LRBA: variants seen among roughly 807,000 people sequenced by gnomAD.
LRBA encodes the protein LPS responsive beige-like anchor protein.
A neutral mutation model predicts 330.0 loss-of-function variants in LRBA; 176 were observed. The observed-to-expected ratio is 0.53, with a 90% CI of 0.47 to 0.60. The LOEUF is 0.60. Ranked by LOEUF, LRBA falls within the 20% of genes least tolerant of loss-of-function variation. LRBA has a pLI of 0.00. For synonymous variants in LRBA, 1,230 were observed against 1,193.0 expected, an observed-to-expected ratio of 1.03 and a Z score of -0.64; for missense variants, 3,259 against 3,444.8, an observed-to-expected ratio of 0.95 and a Z score of 1.35.
At chr4:150,315,348 C>T (rs773429735) in intron 51 of LRBA, 7 of 588,836 alleles carry the variant, frequency 1.2e-5, no homozygotes, top group East Asian at 5.8e-5. Context: ...CAGTGACACG[C>T]GTCCTAGGCC....
chr4:150,550,152 G>A (rs1055071853), intron 40 of LRBA, among the ~76,000 whole-genome samples: 8 of 152,042 alleles, frequency 5.3e-5, no homozygotes, highest in Non-Finnish European at 1.2e-4. Context: ...TGTGTGGAAT[G>A]GATATATTAA....
chr4:150,646,081 C>T (rs1484655716), intron 37 of LRBA, among the ~76,000 whole-genome samples: 2 of 151,502 alleles, frequency 1.3e-5, no homozygotes, highest in Non-Finnish European at 2.9e-5. Flanking sequence ...ACTATCTGGC[C>T]CATTATAGAA....
At chr4:150,985,646 C>T (rs1223143973) in intron 2 of LRBA, among the ~76,000 whole-genome samples, 10 of 151,902 alleles carry the variant, frequency 6.6e-5, no homozygotes, top group Admixed American at 6.6e-4. Context: ...CTACAGGCAC[C>T]CACCACCACA....
intron 3 of LRBA, 34 bp downstream of exon 3, chr4:150,928,800 C>A: frequency 2.7e-6 from 4 of 1,504,352 alleles, no homozygotes; most frequent in Non-Finnish European, 2.7e-6. Context: ...AACTTTATTT[C>A]TTTGCATATA....
intron 28 of LRBA, among the ~76,000 whole-genome samples, chr4:150,835,151 T>G (rs1747833987): frequency 6.6e-6 from 1 of 152,176 alleles, no homozygotes; most frequent in African/African-American, 2.4e-5. Context: ...TCTGTTCTGT[T>G]CCGTTGGTCT....
At chr4:150,520,941 TA>T in intron 40 of LRBA, among the ~76,000 whole-genome samples, 1 of 152,344 alleles carries the variant, frequency 6.6e-6, no homozygotes, top group Non-Finnish European at 1.5e-5. Flanking sequence ...TTCATTTTCT[TA>T]AAAACAATAG....
intron 36 of LRBA, among the ~76,000 whole-genome samples, chr4:150,714,055 T>C (rs1786492184): frequency 6.6e-6 from 1 of 152,182 alleles, no homozygotes; most frequent in Non-Finnish European, 1.5e-5. Flanking sequence ...TAAGTACCAC[T>C]TCTTTACACT....
At chr4:150,579,642 C>G (rs1325394621) in intron 40 of LRBA, 1 of 456,624 alleles carries the variant, frequency 2.2e-6, no homozygotes, top group South Asian at 1.5e-5. Flanking sequence ...AAAACTTAGC[C>G]GAGCTTGACA....
chr4:150,354,332 G>A (rs905950774), intron 47 of LRBA, among the ~76,000 whole-genome samples: 1 of 152,042 alleles, frequency 6.6e-6, no homozygotes, highest in South Asian at 2.1e-4. Flanking sequence ...CTGAGCATTT[G>A]AGATTTTTCA....
At chr4:150,604,928 C>A (rs912887878) in intron 37 of LRBA, among the ~76,000 whole-genome samples, 2 of 152,124 alleles carry the variant, frequency 1.3e-5, no homozygotes, top group Non-Finnish European at 2.9e-5. Context: ...GTGGCAGTTG[C>A]ACAGTCAGTA....
chr4:150,787,405 A>T (rs1739243120), intron 34 of LRBA, among the ~76,000 whole-genome samples: 1 of 152,248 alleles, frequency 6.6e-6, no homozygotes. Flanking sequence ...CGAGATATAG[A>T]AATATTAATT....
At position 150,961,369 on chromosome 4, in the gene LRBA, A is replaced by G. The variant is rs1738126875; in HGVS notation, c.217-32304T>C. Among the ~76,000 whole-genome samples, 2 of 149,448 alleles carry G rather than the reference A, an allele frequency of 1.3e-5. 1 individual carries two copies. Among genetic ancestry groups the G allele is most frequent in the African/African-American group, 5.2e-5 (2 of 38,812 alleles). On this transcript the variant is annotated intron_variant, in intron 2 of 56. Coordinates refer to ENST00000651943, the MANE Select transcript of LRBA (RefSeq NM_001364905.1). ...ATCTTAAAATGCTATCACCTTATGCATAAGAGCTAAAGAGAAATACTGCAA... is the reference window on the plus strand; with the variant it reads ...ATCTTAAAATGCTATCACCTTATGCGTAAGAGCTAAAGAGAAATACTGCAA...
chr4:150,347,420 C>T (rs1736528780), intron 48 of LRBA, among the ~76,000 whole-genome samples: 2 of 151,994 alleles, frequency 1.3e-5, no homozygotes, highest in Admixed American at 6.6e-5. Flanking sequence ...CCAAGGGAGG[C>T]GGATCACTTG....
chr4:150,375,463 T>A (rs1043259356), intron 47 of LRBA, among the ~76,000 whole-genome samples: 1 of 151,684 alleles, frequency 6.6e-6, no homozygotes, highest in Non-Finnish European at 1.5e-5. Context: ...TCTACTTACT[T>A]TTTTTTTGTT....
intron 37 of LRBA, among the ~76,000 whole-genome samples, chr4:150,628,352 G>A (rs995729006): frequency 1.9e-4 from 29 of 152,112 alleles, no homozygotes; most frequent in African/African-American, 6.7e-4. Flanking sequence ...CTCTTTACTG[G>A]TTTTCTTGTT....
rs918392130 is a variant in LRBA at position 150,798,019 on chromosome 4, C to T, written c.5580+62G>A. On this transcript the variant is annotated intron_variant, in intron 34 of 56. Transcript: ENST00000651943. ...TTTCAGTAATGCAAATATAAAATCC[C>T]CCATGAAAACAAATTCATGTGATAA... 43 of 1,082,776 alleles carry T rather than the reference C, an allele frequency of 4.0e-5. No individual in the cohort carries two copies. In the African/African-American group the frequency reaches 6.4e-4, roughly 16 times the overall value. 67.1% of individuals were successfully genotyped at this position (1,082,776 alleles called of 1,614,324 possible).
chr4:150,390,162 G>A lies in LRBA; in HGVS notation c.7194+25276C>T, dbSNP rs370063252. 5.3e-5 allele frequency among the ~76,000 whole-genome samples: 8 copies of A among 152,218 alleles called. No individual in the cohort carries two copies. In the East Asian group the frequency reaches 1.5e-3, roughly 29 times the overall value. On this transcript the variant is annotated intron_variant, in intron 47 of 56. Transcript: ENST00000651943. ...ATAAAGGAAGTTTCCTTCTCCAGCA[G>A]TTGAAATGTTTCTGCAACTCTTATA... is the stretch of plus-strand genomic sequence containing the variant.
chr4:150,668,327 G>C (rs1781746572), intron 37 of LRBA, among the ~76,000 whole-genome samples: 1 of 152,166 alleles, frequency 6.6e-6, no homozygotes, highest in Non-Finnish European at 1.5e-5. Flanking sequence ...AAATTCATTA[G>C]TGGGTCTGGA....
At position 150,522,788 on chromosome 4, in the gene LRBA, T is replaced by G. The variant is rs566568906; in HGVS notation, c.6331-31753A>C. Among the ~76,000 whole-genome samples, 5 of 152,286 alleles carry G rather than the reference T, an allele frequency of 3.3e-5. No individual in the cohort carries two copies. In the South Asian group the frequency reaches 1.0e-3, roughly 32 times the overall value. The stretch of plus-strand genomic sequence containing the variant: ...GCAGGCCCACAGAGTGCAATAGCTG[T>G]GGAGGCATGACTTCTCCACCTAGAT... On this transcript the variant is annotated intron_variant, in intron 40 of 56. Coordinates refer to ENST00000651943, the MANE Select transcript of LRBA (RefSeq NM_001364905.1).
Sources: gnomAD v4.1 joint callset for allele counts (sites outside exome capture counted in the v4.1 genomes callset) on GRCh38, gnomAD v4.1.1 for gene constraint, MANE v1.5 for transcripts, NCBI Gene and HGNC (gene_info 2026-07-23, HGNC 2026-07-21) for gene names.